Variants in CDH13 observed in about 807,000 individuals in gnomAD.
The protein encoded by CDH13 is cadherin 13.
CDH13 carries 24 observed loss-of-function variants against 63.8 expected under a neutral mutation model. That is an observed-to-expected ratio of 0.38 (90% CI 0.27 to 0.53). The LOEUF (loss-of-function observed/expected upper bound fraction) is 0.53, where lower values mean the gene tolerates loss of function less well. CDH13 is among the 20% of genes least tolerant of loss of function. CDH13 has a pLI of 0.85. For synonymous variants in CDH13, 503 were observed against 355.3 expected (o/e 1.42, Z -4.67); for missense variants, 1,049 against 903.1 (o/e 1.16, Z -2.07).
chr16:83,172,597 A>T (rs1285357709), intron 4 of CDH13, among the ~76,000 whole-genome samples: 1 of 151,922 alleles, frequency 6.6e-6, no homozygotes, highest in African/African-American at 2.4e-5. Flanking sequence ...AACAAGAAAA[A>T]TCCATGAGAA....
At chr16:82,698,669 A>G (rs2150987333) in intron 1 of CDH13, among the ~76,000 whole-genome samples, 1 of 152,330 alleles carries the variant, frequency 6.6e-6, no homozygotes, top group East Asian at 1.9e-4. Context: ...TACTGGCCAA[A>G]CATCCCATGG....
chr16:83,143,169 G>C (rs1391590581), intron 4 of CDH13, among the ~76,000 whole-genome samples: 16 of 152,130 alleles, frequency 1.1e-4, no homozygotes, highest in Non-Finnish European at 2.2e-4. Flanking sequence ...CTTACATGCA[G>C]AACGAATGGT....
intron 1 of CDH13, chr16:82,719,565 G>A: frequency 2.5e-6 from 1 of 396,102 alleles, no homozygotes; most frequent in South Asian, 1.9e-5. Flanking sequence ...AACAAGTTAG[G>A]ATGGGCGCAG....
intron 8 of CDH13, among the ~76,000 whole-genome samples, chr16:83,654,406 C>G (rs922102738): frequency 6.6e-6 from 1 of 151,876 alleles, no homozygotes; most frequent in Non-Finnish European, 1.5e-5. Context: ...GACCCTGAAG[C>G]AAGTAAGGCA....
intron 2 of CDH13, among the ~76,000 whole-genome samples, chr16:82,980,078 G>T (rs569475972): frequency 9.1e-6 from 1 of 110,242 alleles, no homozygotes; most frequent in Non-Finnish European, 2.4e-5. Flanking sequence ...CCAGGGGCTA[G>T]TGATGGCAGG....
At chr16:83,314,919 G>A (rs552964237) in intron 5 of CDH13, among the ~76,000 whole-genome samples, 1 of 152,128 alleles carries the variant, frequency 6.6e-6, no homozygotes, top group Non-Finnish European at 1.5e-5. Context: ...TTGCCTTCCT[G>A]TCTTCAGCCT....
rs66957563 is a variant in CDH13, at chr16:83,337,621, A to ATTT, written c.637-7214_637-7212dup. On this transcript the variant is annotated intron_variant, in intron 5 of 13. Transcript: ENST00000567109. ...ATTTGAGAATTAAATTGACAAGCGT[A>ATTT]TTTTTTTTTTTTTTTTTTTTTTTTT... 1.4e-3 allele frequency among the ~76,000 whole-genome samples: 72 copies of ATTT among 52,238 alleles called. 10 individuals carry two copies. The highest frequency in any genetic ancestry group is 5.4e-3 in the East Asian group (7 of 1,302). 34.3% of individuals were successfully genotyped at this position (52,238 alleles called of 152,430 possible). A position where few individuals can be genotyped will look rare whatever the true frequency, so the allele number is the denominator to read the frequency against.
At chr16:82,984,687 GAGGTCACATAACTTGCTA>G (rs1371156629) in intron 2 of CDH13, among the ~76,000 whole-genome samples, 2 of 152,166 alleles carry the variant, frequency 1.3e-5, no homozygotes, top group Non-Finnish European at 2.9e-5. Flanking sequence ...GAGGCATCAA[GAGGTCACATAACTTGCTA>G]AGGTTTGCAC....
rs150023731 is a variant in CDH13, at chr16:83,780,239, C to G, written c.1915+38C>G. Reference sequence around the variant, plus strand: ...AAAGCATTTCTGCCTATTCTTCCAGCTTTCAGTTTATTTTCTCTTTCCCAA... The same window carrying G: ...AAAGCATTTCTGCCTATTCTTCCAGGTTTCAGTTTATTTTCTCTTTCCCAA... On this transcript the variant is annotated intron_variant, in intron 12 of 13. Coordinates refer to ENST00000567109, the MANE Select transcript of CDH13 (RefSeq NM_001257.5). 3,522 of 1,346,392 alleles carry G rather than the reference C, an allele frequency of 2.6e-3. 27 individuals are homozygous for G. The Middle Eastern group carries it at 0.035, about 13-fold the overall frequency. The allele number at this position is 1,346,392 out of a possible 1,614,324, so 83.4% of individuals were successfully genotyped here.
At chr16:82,914,820 G>T (rs1000744937) in intron 2 of CDH13, among the ~76,000 whole-genome samples, 2 of 152,176 alleles carry the variant, frequency 1.3e-5, no homozygotes. Context: ...CGTTTCTGCA[G>T]TTCATTAATC....
intron 3 of CDH13, among the ~76,000 whole-genome samples, chr16:83,065,624 A>T (rs976713968): frequency 3.4e-4 from 51 of 151,862 alleles, no homozygotes; most frequent in Non-Finnish European, 6.2e-4. Flanking sequence ...AGAATCAGTT[A>T]AGCCCAGGGG....
At chr16:83,591,836 T>G (rs1906785649) in intron 7 of CDH13, among the ~76,000 whole-genome samples, 1 of 152,240 alleles carries the variant, frequency 6.6e-6, no homozygotes, top group Non-Finnish European at 1.5e-5. Flanking sequence ...TTCTTGTCCC[T>G]TTGGTGTCCT....
intron 3 of CDH13, among the ~76,000 whole-genome samples, chr16:83,041,885 G>C (rs1232227099): frequency 2.0e-5 from 3 of 152,210 alleles, no homozygotes; most frequent in Non-Finnish European, 4.4e-5. Context: ...TCAGTGCCTT[G>C]CTAATGGATG....
At chr16:83,554,407 G>A (rs2150676132) in intron 7 of CDH13, among the ~76,000 whole-genome samples, 1 of 152,284 alleles carries the variant, frequency 6.6e-6, no homozygotes, top group East Asian at 1.9e-4. Flanking sequence ...GGTGATGGAG[G>A]CAACGATAAG....
chr16:83,203,715 C>T (rs2151768957), intron 4 of CDH13, among the ~76,000 whole-genome samples: 1 of 136,606 alleles, frequency 7.3e-6, no homozygotes, highest in African/African-American at 2.7e-5. Context: ...AAAATCTATA[C>T]ACTAATAAAA....
intron 2 of CDH13, among the ~76,000 whole-genome samples, chr16:83,023,921 C>T (rs1049904427): frequency 1.3e-5 from 2 of 152,148 alleles, no homozygotes; most frequent in East Asian, 3.8e-4. Flanking sequence ...TCAATGTCTT[C>T]CTGTTTATCA....
intron 1 of CDH13, among the ~76,000 whole-genome samples, chr16:82,777,036 T>C (rs562191809): frequency 1.3e-5 from 2 of 152,306 alleles, no homozygotes; most frequent in African/African-American, 4.8e-5. Flanking sequence ...GCCTTGAACT[T>C]CTGAGTTCAA....
intron 3 of CDH13, among the ~76,000 whole-genome samples, chr16:83,057,788 G>A (rs1291541774): frequency 6.6e-6 from 1 of 152,168 alleles, no homozygotes; most frequent in South Asian, 2.1e-4. Flanking sequence ...GAAAAGGGGT[G>A]AGGGTAGATG....
At chr16:82,841,633 G>T (rs539976605) in intron 1 of CDH13, among the ~76,000 whole-genome samples, 233 of 152,136 alleles carry the variant, frequency 1.5e-3, no homozygotes, top group Admixed American at 2.7e-3. Context: ...TTACTGGAAG[G>T]GTTTTCCAGG....
Sources: allele counts gnomAD v4.1 joint callset (sites outside exome capture counted in the v4.1 genomes callset), GRCh38; gene constraint gnomAD v4.1.1; transcripts MANE v1.5; gene names NCBI Gene and HGNC (gene_info 2026-07-23, HGNC 2026-07-21).